PLCB1: variants seen among roughly 807,000 people sequenced by gnomAD.
PLCB1 encodes 1-phosphatidylinositol 4,5-bisphosphate phosphodiesterase beta-1.
In PLCB1, 46 loss-of-function variants were observed where a neutral mutation model predicts 161.8. The observed-to-expected ratio is 0.28, with a 90% CI of 0.22 to 0.36. The LOEUF (loss-of-function observed/expected upper bound fraction) is 0.36, where lower values mean the gene tolerates loss of function less well. Among genes scored for constraint, PLCB1 ranks in the 10% least tolerant of loss-of-function variants. PLCB1 has a pLI of 1.00. For missense variants in PLCB1, 1,016 were observed against 1,472.5 expected (o/e 0.69, Z 5.07); for synonymous variants, 517 against 503.7 (o/e 1.03, Z -0.35).
intron 6 of PLCB1, 129 bp from the exon 7 acceptor site, chr20:8,649,245 C>A (rs905996737): frequency 5.9e-5 from 36 of 611,840 alleles, no homozygotes; most frequent in African/African-American, 5.7e-4. Context: ...GAATGGTTAT[C>A]TTTTAGTTCT....
chr20:8,621,176 C>T (rs536008071), intron 3 of PLCB1, among the ~76,000 whole-genome samples: 2 of 152,160 alleles, frequency 1.3e-5, no homozygotes, highest in South Asian at 4.1e-4. Flanking sequence ...CATGCTTTGT[C>T]GGGGGTTTAA....
At chr20:8,667,098 G>A (rs887482349) in intron 9 of PLCB1, among the ~76,000 whole-genome samples, 13 of 152,242 alleles carry the variant, frequency 8.5e-5, no homozygotes, top group African/African-American at 2.4e-4. Flanking sequence ...CAGAACCGAC[G>A]TGAATCAACA....
At chr20:8,858,283 T>G (rs1316414229) in intron 31 of PLCB1, among the ~76,000 whole-genome samples, 2 of 152,276 alleles carry the variant, frequency 1.3e-5, no homozygotes, top group Middle Eastern at 3.4e-3. Flanking sequence ...CTGTGTTCAT[T>G]ATGAAATATT....
intron 3 of PLCB1, among the ~76,000 whole-genome samples, chr20:8,624,968 G>C (rs893000734): frequency 6.6e-6 from 1 of 152,074 alleles, no homozygotes; most frequent in African/African-American, 2.4e-5. Context: ...TCCTTCTCTG[G>C]AAACTTCTTA....
chr20:8,421,017 A>C (rs1032284136), intron 3 of PLCB1, among the ~76,000 whole-genome samples: 1 of 152,226 alleles, frequency 6.6e-6, no homozygotes, highest in African/African-American at 2.4e-5. Context: ...TCATGTCTCT[A>C]GGAAGAGACA....
chr20:8,493,144 T>G (rs1032366373), intron 3 of PLCB1, among the ~76,000 whole-genome samples: 1 of 152,142 alleles, frequency 6.6e-6, no homozygotes. Flanking sequence ...CATGGGCTGC[T>G]CTCCCCTTTT....
chr20:8,531,353 T>A (rs1984807722), intron 3 of PLCB1, among the ~76,000 whole-genome samples: 1 of 152,140 alleles, frequency 6.6e-6, no homozygotes, highest in African/African-American at 2.4e-5. Context: ...TGTGTTATGA[T>A]GTTTTGATTC....
intron 3 of PLCB1, among the ~76,000 whole-genome samples, chr20:8,423,104 A>AT (rs1223565712): frequency 6.6e-6 from 1 of 152,220 alleles, no homozygotes; most frequent in African/African-American, 2.4e-5. Flanking sequence ...AACCAGTTTT[A>AT]TTTTTTTACA....
chr20:8,523,653 T>TA (rs1306857487), intron 3 of PLCB1, among the ~76,000 whole-genome samples: 1 of 150,878 alleles, frequency 6.6e-6, no homozygotes, highest in East Asian at 1.9e-4. Context: ...TGGCCACAGA[T>TA]ATGGTGTTAG....
At chr20:8,402,210 TCTC>T in intron 3 of PLCB1, among the ~76,000 whole-genome samples, 1 of 152,292 alleles carries the variant, frequency 6.6e-6, no homozygotes, top group African/African-American at 2.4e-5. Context: ...TTTATATTGT[TCTC>T]CTAAAAACCA....
At chr20:8,683,993 C>T (rs531723561) in intron 9 of PLCB1, among the ~76,000 whole-genome samples, 40 of 151,504 alleles carry the variant, frequency 2.6e-4, no homozygotes, top group African/African-American at 9.4e-4. Flanking sequence ...AAACAATTCT[C>T]CTGCCTCAGC....
At chr20:8,346,142 T>C (rs1985993769) in intron 2 of PLCB1, among the ~76,000 whole-genome samples, 1 of 152,232 alleles carries the variant, frequency 6.6e-6, no homozygotes, top group South Asian at 2.1e-4. Context: ...AAGGTGAAGA[T>C]AGTAAAAGTA....
chr20:8,641,417 G>A (rs1988952301), intron 4 of PLCB1, among the ~76,000 whole-genome samples: 2 of 152,216 alleles, frequency 1.3e-5, no homozygotes, highest in South Asian at 4.1e-4. Flanking sequence ...CAGTGATTAT[G>A]AATCTATTAC....
At chr20:8,634,454 C>T (rs1988697448) in intron 4 of PLCB1, among the ~76,000 whole-genome samples, 2 of 152,120 alleles carry the variant, frequency 1.3e-5, no homozygotes, top group Admixed American at 1.3e-4. Context: ...GTTTCTTGTG[C>T]ACAATCTAGA....
At position 8,169,557 on chromosome 20, in the gene PLCB1, C is replaced by A. The variant is rs138573857; in HGVS notation, c.177+19186C>A. On this transcript the variant is annotated intron_variant, in intron 2 of 31. Coordinates refer to ENST00000338037, the MANE Select transcript of PLCB1 (RefSeq NM_015192.4). ...CTGAACTAGGACAGGTATTCGGATACTTCTGATTCATATTCTGAGTCTTTT... is the reference window on the plus strand; with the variant it reads ...CTGAACTAGGACAGGTATTCGGATAATTCTGATTCATATTCTGAGTCTTTT... Among the ~76,000 whole-genome samples the A allele has an allele frequency of 5.9e-5, 9 of 152,194 alleles. No homozygotes were observed. In the East Asian group the frequency reaches 1.7e-3, roughly 29 times the overall value.
chr20:8,756,208 A>G (rs886294057), intron 23 of PLCB1, among the ~76,000 whole-genome samples: 1 of 152,186 alleles, frequency 6.6e-6, no homozygotes, highest in Non-Finnish European at 1.5e-5. Flanking sequence ...TAAGTACTTT[A>G]TAAGTATTAA....
intron 3 of PLCB1, among the ~76,000 whole-genome samples, chr20:8,622,692 C>T (rs985208090): frequency 1.3e-5 from 2 of 152,118 alleles, no homozygotes; most frequent in Non-Finnish European, 2.9e-5. Context: ...TTCTTCCCTC[C>T]TTGTCTTACT....
At chr20:8,756,757 T>G (rs1418455451) in intron 23 of PLCB1, among the ~76,000 whole-genome samples, 1 of 152,150 alleles carries the variant, frequency 6.6e-6, no homozygotes, top group Non-Finnish European at 1.5e-5. Context: ...TATTCTCTGA[T>G]TAACCAAAGC....
chr20:8,780,076 A>G (rs1372729456), intron 27 of PLCB1, among the ~76,000 whole-genome samples: 1 of 152,252 alleles, frequency 6.6e-6, no homozygotes, highest in Non-Finnish European at 1.5e-5. Context: ...CTACAGGGTC[A>G]GGGAATCTGT....
Sources: allele counts gnomAD v4.1 joint callset (sites outside exome capture counted in the v4.1 genomes callset), GRCh38; gene constraint gnomAD v4.1.1; transcripts MANE v1.5; gene names NCBI Gene and HGNC (gene_info 2026-07-23, HGNC 2026-07-21).